The following CACNA1S variants were observed in gnomAD, a reference collection of about 807,000 sequenced individuals.
The protein encoded by CACNA1S is voltage-dependent L-type calcium channel subunit alpha-1S.
In CACNA1S, 126 loss-of-function variants were observed where a neutral mutation model predicts 207.4. The ratio of observed to expected loss-of-function variants is 0.61; its 90% CI spans 0.53 to 0.70. CACNA1S has a LOEUF of 0.70. Ranked by LOEUF, CACNA1S falls within the 30% of genes least tolerant of loss-of-function variation. The pLI, the probability that CACNA1S is intolerant of heterozygous loss-of-function variation, is 0.00. For synonymous variants in CACNA1S, 960 were observed against 932.7 expected (o/e 1.03, Z -0.53); for missense variants, 2,349 against 2,422.8 (o/e 0.97, Z 0.64).
chr1:201,061,161 T>C (rs1338752891), intron 25 of CACNA1S, 106 bp downstream of exon 25: 6 of 973,422 alleles, frequency 6.2e-6, no homozygotes. Context: ...AAATGCAGGT[T>C]CTGGGGTCAC....
intron 39 of CACNA1S, 76 bp from the exon 40 acceptor site, chr1:201,043,607 G>A (rs1660371059): frequency 1.3e-5 from 17 of 1,320,328 alleles, no homozygotes; most frequent in Middle Eastern, 2.0e-4. Flanking sequence ...TGGGACAGTG[G>A]TATTGGGAAC....
At chr1:201,084,617 G>C (rs1169160214) in intron 9 of CACNA1S, among the ~76,000 whole-genome samples, 1 of 152,126 alleles carries the variant, frequency 6.6e-6, no homozygotes, top group Non-Finnish European at 1.5e-5. Flanking sequence ...CCTCGCAGAG[G>C]TTTCCAACAT....
rs752114443 is a variant in CACNA1S at position 201,083,218 on chromosome 1, G to A, written c.1337C>T (p.Thr446Ile). 8 of 1,614,226 alleles carry A rather than the reference G, an allele frequency of 5.0e-6. 1 individual carries two copies. In the South Asian group the frequency reaches 8.8e-5, roughly 18 times the overall value. ...WLVILIVALN[T>I]LSIASEHHNQ... is the part of the protein sequence containing the mutation. The stretch of plus-strand genomic sequence containing the variant: ...GTGGTGCTCTGAGGCGATAGACAGG[G>A]TGTTGAGGGCAACGATGAGAATCAC... The change falls in exon 10 of 44, where the codon ACC becomes ATC. Residue 446 changes from threonine (T) to isoleucine (I), a missense_variant. Physicochemically the swap from Thr to Ile is moderately conservative, Grantham distance 89. Coordinates refer to ENST00000362061, the MANE Select transcript of CACNA1S (RefSeq NM_000069.3).
intron 2 of CACNA1S, among the ~76,000 whole-genome samples, chr1:201,102,231 T>G (rs1038770790): frequency 6.6e-6 from 1 of 152,230 alleles, no homozygotes; most frequent in African/African-American, 2.4e-5. Context: ...GGCTCCAGAC[T>G]GGGCAGGGAA....
intron 2 of CACNA1S, among the ~76,000 whole-genome samples, chr1:201,096,112 C>T (rs1256557872): frequency 6.6e-6 from 1 of 152,226 alleles, no homozygotes; most frequent in African/African-American, 2.4e-5. Context: ...GAACTGCCTG[C>T]ACCTGCCACT....
rs80046088 is a variant in CACNA1S, at chr1:201,103,912, G to A, written c.258+6252C>T. Among the ~76,000 whole-genome samples, 235 of 152,366 alleles carry A rather than the reference G, an allele frequency of 1.5e-3. 4 individuals carry two copies. In the East Asian group the frequency reaches 0.043, roughly 28 times the overall value. On this transcript the variant is annotated intron_variant, in intron 2 of 43. Transcript: ENST00000362061. ...ATGCGACAGGGGCCTGGTGGAGCCTGCTGATGCCTGAGGGGTGGGAAGCCA... is the reference window on the plus strand; with the variant it reads ...ATGCGACAGGGGCCTGGTGGAGCCTACTGATGCCTGAGGGGTGGGAAGCCA...
At chr1:201,084,656 C>G (rs1661964871) in intron 9 of CACNA1S, among the ~76,000 whole-genome samples, 1 of 152,134 alleles carries the variant, frequency 6.6e-6, no homozygotes, top group South Asian at 2.1e-4. Context: ...CTGCCCTGAT[C>G]AGGGTGAAGT....
intron 2 of CACNA1S, among the ~76,000 whole-genome samples, chr1:201,106,579 A>G (rs974220276): frequency 1.3e-5 from 2 of 152,174 alleles, no homozygotes; most frequent in Non-Finnish European, 2.9e-5. Flanking sequence ...GGTACTAAAT[A>G]TAAAGCTTTT....
intron 26 of CACNA1S, among the ~76,000 whole-genome samples, chr1:201,059,852 C>T (rs1176591728): frequency 1.3e-5 from 2 of 152,248 alleles, no homozygotes; most frequent in Non-Finnish European, 2.9e-5. Context: ...CTCCTTAAAT[C>T]TACTTCCTTG....
Position 201,070,414 on chromosome 1 carries a change from G to A in CACNA1S, c.2228-10C>T, listed in dbSNP as rs764645751. ...TCTTCCTCGTCATCCCCTGTGGGGA[G>A]AGAGAGAGGAATTAGGGGTGTCTTC... On this transcript the variant is annotated splice_polypyrimidine_tract_variant and intron_variant, in intron 16 of 43. Coordinates refer to ENST00000362061, the MANE Select transcript of CACNA1S (RefSeq NM_000069.3). The A allele has an allele frequency of 4.3e-6, 7 of 1,613,646 alleles. No individual in the cohort carries two copies. Among genetic ancestry groups the A allele is most frequent in the Non-Finnish European group, 5.9e-6 (7 of 1,179,910 alleles).
chr1:201,069,084 G>C, intron 19 of CACNA1S, 53 bp downstream of exon 19: 1 of 1,485,668 alleles, frequency 6.7e-7, no homozygotes, highest in African/African-American at 1.4e-5. Flanking sequence ...GTGTAAACTG[G>C]AGCCACATCA....
rs1199612913 is a variant in CACNA1S, at chr1:201,057,653, T to C, written c.3609+755A>G. ...TCACTTCCTGTTGCTCATCTCCAGG[T>C]TAGCTTTTTAGAAGCAGGGCTCTAA... On this transcript the variant is annotated intron_variant, in intron 28 of 43. Coordinates refer to ENST00000362061, the MANE Select transcript of CACNA1S (RefSeq NM_000069.3). Among the ~76,000 whole-genome samples, 4 of 152,170 alleles carry C rather than the reference T, an allele frequency of 2.6e-5. No individual in the cohort carries two copies. In the East Asian group the frequency reaches 5.8e-4, roughly 22 times the overall value.
chr1:201,049,231 A>T (rs1660573549), intron 34 of CACNA1S, 132 bp from the exon 35 acceptor site: 1 of 674,794 alleles, frequency 1.5e-6, no homozygotes, highest in Non-Finnish European at 2.6e-6. Context: ...AACTGTGTTT[A>T]GGAAGTGGGA....
chr1:201,098,486 A>G (rs1029203668), intron 2 of CACNA1S, among the ~76,000 whole-genome samples: 1 of 152,070 alleles, frequency 6.6e-6, no homozygotes, highest in Admixed American at 6.5e-5. Flanking sequence ...AGGACCATGT[A>G]TCAGGCCATG....
chr1:201,065,089 G>T (rs993156366), intron 22 of CACNA1S, among the ~76,000 whole-genome samples: 2 of 152,214 alleles, frequency 1.3e-5, no homozygotes, highest in African/African-American at 4.8e-5. Context: ...AAAGCCACGT[G>T]GGGTAGGGAG....
intron 28 of CACNA1S, among the ~76,000 whole-genome samples, chr1:201,057,891 C>T (rs1270272077): frequency 6.6e-6 from 1 of 152,222 alleles, no homozygotes; most frequent in Non-Finnish European, 1.5e-5. Context: ...CTGCCTGCTC[C>T]ATAAAGCTGA....
At chr1:201,111,728 C>A (rs961882293) in intron 1 of CACNA1S, among the ~76,000 whole-genome samples, 4 of 152,140 alleles carry the variant, frequency 2.6e-5, no homozygotes, top group Admixed American at 2.6e-4. Context: ...CTATCCTATT[C>A]TAAAATGAGG....
rs375618335 is a variant in CACNA1S, at chr1:201,062,427, C to T, written c.2906+35G>A. The T allele has an allele frequency of 1.2e-5, 19 of 1,605,976 alleles. 1 individual carries two copies. Among genetic ancestry groups the T allele is most frequent in the South Asian group, 1.1e-4 (10 of 90,928 alleles). ...GACTGTCCCACCATGCTCCCTGCCC[C>T]GTGACCGTCCCACTGTGCTCCCTGC... On this transcript the variant is annotated intron_variant, in intron 23 of 43. Transcript: ENST00000362061.
chr1:201,109,700 T>G (rs939440756), intron 2 of CACNA1S, among the ~76,000 whole-genome samples: 1 of 152,196 alleles, frequency 6.6e-6, no homozygotes, highest in Non-Finnish European at 1.5e-5. Context: ...CTAAAACATG[T>G]CCTTGCTTCA....
Sources: allele counts gnomAD v4.1 joint callset (sites outside exome capture counted in the v4.1 genomes callset), GRCh38; gene constraint gnomAD v4.1.1; transcripts MANE v1.5; gene names NCBI Gene and HGNC (gene_info 2026-07-23, HGNC 2026-07-21).